ARHGAP24: variants seen among roughly 807,000 people sequenced by gnomAD.
The protein encoded by ARHGAP24 is Rho GTPase activating protein 24, also known as rho GTPase-activating protein 24.
ARHGAP24 carries 50 observed loss-of-function variants against 76.4 expected under a neutral mutation model. The ratio of observed to expected loss-of-function variants is 0.65; its 90% CI spans 0.52 to 0.83. ARHGAP24 has a LOEUF of 0.83. Ranked by LOEUF, ARHGAP24 falls within the 40% of genes least tolerant of loss-of-function variation. The pLI is 0.00. For synonymous variants in ARHGAP24, 345 were observed against 323.3 expected (o/e 1.07, Z -0.72); for missense variants, 930 against 914.2 (o/e 1.02, Z -0.22).
chr4:85,585,293 T>C (rs1727808565), intron 2 of ARHGAP24, among the ~76,000 whole-genome samples: 1 of 152,218 alleles, frequency 6.6e-6, no homozygotes, highest in South Asian at 2.1e-4. Context: ...TAGCTGATGA[T>C]TGTGACTAAA....
chr4:85,960,582 T>A (rs1272451554), intron 5 of ARHGAP24, among the ~76,000 whole-genome samples: 1 of 152,178 alleles, frequency 6.6e-6, no homozygotes, highest in East Asian at 1.9e-4. Flanking sequence ...CAATAAATAT[T>A]CGATGAATAA....
rs549567259 is a variant in ARHGAP24 at position 85,732,024 on chromosome 4, G to T, written c.268+10052G>T. 3.9e-5 allele frequency among the ~76,000 whole-genome samples: 6 copies of T among 152,258 alleles called. No homozygotes were observed. The South Asian group carries it at 1.2e-3, about 32-fold the overall frequency. On this transcript the variant is annotated intron_variant, in intron 3 of 9. Coordinates refer to ENST00000395184, the MANE Select transcript of ARHGAP24 (RefSeq NM_001025616.3). ...TGAAATAAATGTGATCTTTCCCATT[G>T]TTCTTTGTGATATGGTTTTAATTAT...
intron 3 of ARHGAP24, among the ~76,000 whole-genome samples, chr4:85,798,420 C>T (rs899706361): frequency 1.3e-5 from 2 of 152,080 alleles, no homozygotes; most frequent in Non-Finnish European, 2.9e-5. Context: ...CAAGAAGGAG[C>T]TTTTTGGAGT....
intron 2 of ARHGAP24, among the ~76,000 whole-genome samples, chr4:85,636,747 T>A (rs1721322738): frequency 6.6e-6 from 1 of 152,082 alleles, no homozygotes. Context: ...AATTTCTCCA[T>A]GAAATCTCTC....
At chr4:85,889,742 A>G (rs1323939239) in intron 3 of ARHGAP24, among the ~76,000 whole-genome samples, 20 of 152,180 alleles carry the variant, frequency 1.3e-4, no homozygotes. Flanking sequence ...AGCAACTGAA[A>G]TGGCCTCTTC....
chr4:85,681,721 G>A (rs1723210748), intron 2 of ARHGAP24, among the ~76,000 whole-genome samples: 1 of 152,194 alleles, frequency 6.6e-6, no homozygotes, highest in Non-Finnish European at 1.5e-5. Context: ...TCTTCATGCA[G>A]GATCCTCTAC....
intron 3 of ARHGAP24, among the ~76,000 whole-genome samples, chr4:85,844,275 G>T (rs182860613): frequency 6.6e-6 from 1 of 152,146 alleles, no homozygotes; most frequent in African/African-American, 2.4e-5. Flanking sequence ...TCTCCAATAG[G>T]ATCCATTAGC....
At chr4:85,937,693 T>C (rs1314582031) in intron 4 of ARHGAP24, among the ~76,000 whole-genome samples, 2 of 152,124 alleles carry the variant, frequency 1.3e-5, no homozygotes, top group Non-Finnish European at 2.9e-5. Flanking sequence ...ACTGACAGTT[T>C]TAAAGGGAGT....
chr4:85,859,780 A>G (rs1257353917), intron 3 of ARHGAP24, among the ~76,000 whole-genome samples: 2 of 152,096 alleles, frequency 1.3e-5, no homozygotes, highest in Non-Finnish European at 2.9e-5. Flanking sequence ...TAAGCCTACT[A>G]ATGAGACAGC....
chr4:85,920,940 T>G (rs796831710), intron 3 of ARHGAP24, among the ~76,000 whole-genome samples: 14 of 152,272 alleles, frequency 9.2e-5, no homozygotes, highest in African/African-American at 3.1e-4. Flanking sequence ...GGCATATAAA[T>G]TAGTTCAACA....
chr4:85,506,729 G>A (rs906085385), intron 1 of ARHGAP24, among the ~76,000 whole-genome samples: 1 of 152,148 alleles, frequency 6.6e-6, no homozygotes, highest in Non-Finnish European at 1.5e-5. Flanking sequence ...GCCCTGCTTC[G>A]ACTCACCCTC....
chr4:85,592,567 C>G (rs1728161568), intron 2 of ARHGAP24, among the ~76,000 whole-genome samples: 1 of 152,072 alleles, frequency 6.6e-6, no homozygotes, highest in Admixed American at 6.6e-5. Flanking sequence ...TTATCAAATA[C>G]TATGCCTTAT....
chr4:85,885,374 A>G (rs2148772835), intron 3 of ARHGAP24, among the ~76,000 whole-genome samples: 1 of 152,196 alleles, frequency 6.6e-6, no homozygotes, highest in African/African-American at 2.4e-5. Context: ...CTTTTCAACT[A>G]AGGGCCAGTT....
At chr4:85,956,543 A>T (rs2148837161) in intron 5 of ARHGAP24, among the ~76,000 whole-genome samples, 1 of 152,226 alleles carries the variant, frequency 6.6e-6, no homozygotes, top group South Asian at 2.1e-4. Flanking sequence ...GATTCCAAGG[A>T]ATGGAATCTT....
chr4:85,634,008 C>T (rs1218680516), intron 2 of ARHGAP24, among the ~76,000 whole-genome samples: 1 of 151,842 alleles, frequency 6.6e-6, no homozygotes, highest in Non-Finnish European at 1.5e-5. Context: ...ACTGTTTTTA[C>T]AATTCCTCCT....
intron 1 of ARHGAP24, among the ~76,000 whole-genome samples, chr4:85,485,347 C>CAAAA (rs1157207535): frequency 1.5e-4 from 1 of 6,726 alleles, no homozygotes; most frequent in African/African-American, 4.1e-4. Flanking sequence ...GACTCCATCT[C>CAAAA]AAAAAAAAAA....
At chr4:85,607,410 AAG>A (rs1043879675) in intron 2 of ARHGAP24, among the ~76,000 whole-genome samples, 2 of 151,826 alleles carry the variant, frequency 1.3e-5, no homozygotes, top group Non-Finnish European at 2.9e-5. Flanking sequence ...GAAAGAGAGA[AAG>A]AGAGAAAAAG....
chr4:85,747,309 A>T (rs886313854), intron 3 of ARHGAP24, among the ~76,000 whole-genome samples: 1 of 152,134 alleles, frequency 6.6e-6, no homozygotes, highest in Non-Finnish European at 1.5e-5. Context: ...CTTTTTTGGG[A>T]GGTAATCTTG....
At chr4:85,638,149 C>G (rs1397233509) in intron 2 of ARHGAP24, among the ~76,000 whole-genome samples, 2 of 152,120 alleles carry the variant, frequency 1.3e-5, no homozygotes, top group African/African-American at 4.8e-5. Flanking sequence ...ATGTTCATGA[C>G]TGTACGTCAG....
Sources: gnomAD v4.1 joint callset for allele counts (sites outside exome capture counted in the v4.1 genomes callset) on GRCh38, gnomAD v4.1.1 for gene constraint, MANE v1.5 for transcripts, NCBI Gene and HGNC (gene_info 2026-07-23, HGNC 2026-07-21) for gene names.